SOCS7: variants seen among roughly 807,000 people sequenced by gnomAD.
The protein encoded by SOCS7 is suppressor of cytokine signaling 7.
A neutral mutation model predicts 58.9 loss-of-function variants in SOCS7; 18 were observed. The observed-to-expected ratio is 0.31, with a 90% CI of 0.21 to 0.45. The LOEUF is 0.45. SOCS7 is among the 20% of genes least tolerant of loss of function. The pLI, the probability that SOCS7 is intolerant of heterozygous loss-of-function variation, is 1.00. For missense variants in SOCS7, 667 were observed against 837.3 expected, an observed-to-expected ratio of 0.80 and a Z score of 2.51; for synonymous variants, 388 against 364.3, an observed-to-expected ratio of 1.06 and a Z score of -0.74.
chr17:38,396,078 C>A, intron 9 of SOCS7, 80 bp downstream of exon 9: 1 of 1,172,844 alleles, frequency 8.5e-7, no homozygotes, highest in Non-Finnish European at 1.2e-6. Flanking sequence ...GGGCCCCCTC[C>A]CCACAACTCC....
chr17:38,369,229 A>G (rs1380774782), intron 6 of SOCS7, among the ~76,000 whole-genome samples: 2 of 152,182 alleles, frequency 1.3e-5, no homozygotes, highest in Non-Finnish European at 2.9e-5. Context: ...ATGCTCTGAG[A>G]CATTGCATCT....
chr17:38,387,010 G>A (rs1348331453), intron 7 of SOCS7, among the ~76,000 whole-genome samples: 2 of 140,598 alleles, frequency 1.4e-5, no homozygotes, highest in Admixed American at 7.3e-5. Flanking sequence ...GGTGTGAATC[G>A]GGAGGCAGAG....
intron 9 of SOCS7, among the ~76,000 whole-genome samples, chr17:38,398,928 TA>T (rs1567755129): frequency 6.6e-6 from 1 of 151,796 alleles, no homozygotes; most frequent in African/African-American, 2.4e-5. Context: ...CTGTCTCTAC[TA>T]AAAATACAAA....
At position 38,352,130 on chromosome 17, in the gene SOCS7, C is replaced by A; in HGVS notation, c.78C>A (p.Gly26=). ...ACCGCGTCCTGAGCCGCCTCCTTGG[C>A]TATGGAGAGGCGGCCCCCGAGCCAG... ...ASYRVLSRLL[G]YGEAAPEPGP... is the part of the protein sequence containing the mutation. The change falls in exon 1 of 10, where the codon GGC becomes GGA. Residue 26 remains glycine, a synonymous_variant. Transcript: ENST00000612932. This position sits in a 1 kb window ranked among gnomAD's most constrained non-coding sequence, Gnocchi z 5.5. 2 of 970,664 alleles carry A rather than the reference C, an allele frequency of 2.1e-6. No homozygotes were observed. The highest frequency in any genetic ancestry group is 4.3e-5 in the South Asian group (1 of 23,252). The allele number at this position is 970,664 out of a possible 1,614,324, so 60.1% of individuals were successfully genotyped here.
chr17:38,367,094 C>T (rs980719201), intron 5 of SOCS7, among the ~76,000 whole-genome samples: 64 of 152,108 alleles, frequency 4.2e-4, no homozygotes, highest in African/African-American at 1.4e-3. Context: ...GACTGAGTTT[C>T]GCTCTTGTTG....
Position 38,361,538 on chromosome 17 carries a change from C to A in SOCS7, c.981-173C>A, listed in dbSNP as rs1248184575. 2.6e-5 allele frequency among the ~76,000 whole-genome samples: 4 copies of A among 152,298 alleles called. No individual in the cohort carries two copies. The East Asian group carries it at 7.7e-4, about 29-fold the overall frequency. On this transcript the variant is annotated intron_variant, in intron 1 of 9. Coordinates refer to ENST00000612932, the MANE Select transcript of SOCS7 (RefSeq NM_014598.4). ...GTAGCCAAATCTATTTAAGGAATTG[C>A]CTTAATTATTTCATTCTCCCCCTTT...
Position 38,401,277 on chromosome 17 carries a change from T to C in SOCS7, c.*1795T>C, listed in dbSNP as rs1597718646. On this transcript the variant is annotated 3_prime_UTR_variant, in exon 10 of 10. Transcript: ENST00000612932. ...CCTCTTCTTTCCTTGGCTTCCATGG[T>C]AGTATTATCAACTAAGCAAGATTGT... 1 of 152,172 alleles carries C rather than the reference T, an allele frequency of 6.6e-6. No homozygotes were observed. The highest frequency in any genetic ancestry group is 1.9e-4 in the East Asian group (1 of 5,172). 9.4% of individuals were successfully genotyped at this position (152,172 alleles called of 1,614,324 possible). A position where few individuals can be genotyped will look rare whatever the true frequency, so the allele number is the denominator to read the frequency against.
chr17:38,392,385 A>C (rs763759642), intron 7 of SOCS7, among the ~76,000 whole-genome samples: 1 of 152,236 alleles, frequency 6.6e-6, no homozygotes, highest in African/African-American at 2.4e-5. Flanking sequence ...TATTAGATGT[A>C]TAAATTACTT....
chr17:38,391,639 A>G (rs994695928), intron 7 of SOCS7, among the ~76,000 whole-genome samples: 4 of 152,106 alleles, frequency 2.6e-5, no homozygotes, highest in African/African-American at 9.7e-5. Flanking sequence ...GGGCTCAAGC[A>G]GTCCTCCCAC....
chr17:38,395,273 T>A, intron 7 of SOCS7, 36 bp from the exon 8 acceptor site: 1 of 1,608,080 alleles, frequency 6.2e-7, no homozygotes, highest in South Asian at 1.1e-5. Flanking sequence ...CTCCATTGTT[T>A]CCTCTGAATA....
chr17:38,385,350 A>G (rs938303509), intron 7 of SOCS7, among the ~76,000 whole-genome samples: 2 of 151,866 alleles, frequency 1.3e-5, no homozygotes, highest in African/African-American at 2.4e-5. Context: ...AATTTCCTGT[A>G]AAATGGTAAT....
chr17:38,389,690 CTTT>C (rs58329812), intron 7 of SOCS7, among the ~76,000 whole-genome samples: 5 of 124,860 alleles, frequency 4.0e-5, no homozygotes, highest in Admixed American at 8.4e-5. Context: ...CCTATTCCAA[CTTT>C]TTTTTTTTTT....
At chr17:38,396,141 C>A in intron 9 of SOCS7, 143 bp downstream of exon 9, 1 of 645,038 alleles carries the variant, frequency 1.6e-6, no homozygotes, top group Non-Finnish European at 2.5e-6. Context: ...CAAGATCTGA[C>A]CGTGGAGTCC....
intron 9 of SOCS7, among the ~76,000 whole-genome samples, chr17:38,396,800 A>G (rs1456639199): frequency 1.3e-5 from 2 of 152,220 alleles, no homozygotes; most frequent in Non-Finnish European, 2.9e-5. Flanking sequence ...ATTGACTGCC[A>G]GTGTGCAGTG....
rs748339292 is a variant in SOCS7 at position 38,395,325 on chromosome 17, T to G, written c.1698T>G (p.Pro566=). ...TTCTTGAAGGACTGCCACCAACTCCTGTCCAGCTGCTCTATCCAGTGTCCC... is the reference window on the plus strand; with the variant it reads ...TTCTTGAAGGACTGCCACCAACTCCGGTCCAGCTGCTCTATCCAGTGTCCC... The part of the protein sequence containing the change: ...RSRVPGLPPT[P]VQLLYPVSRF... The change falls in exon 8 of 10, where the codon CCT becomes CCG. Residue 566 remains proline, a synonymous_variant. Coordinates refer to ENST00000612932, the MANE Select transcript of SOCS7 (RefSeq NM_014598.4). 1.4e-5 allele frequency: 22 copies of G among 1,614,046 alleles called. No homozygotes were observed. Among genetic ancestry groups the G allele is most frequent in the Non-Finnish European group, 1.9e-5 (22 of 1,180,008 alleles).
intron 6 of SOCS7, 39 bp downstream of exon 6, chr17:38,368,089 A>G: frequency 6.5e-7 from 1 of 1,544,864 alleles, no homozygotes; most frequent in Non-Finnish European, 8.8e-7. Flanking sequence ...TCCCCCCTTG[A>G]TTTGCTCTAC....
At chr17:38,368,081 C>T (rs1443663571) in intron 6 of SOCS7, 31 bp downstream of exon 6, 1 of 1,552,488 alleles carries the variant, frequency 6.4e-7, no homozygotes, top group Non-Finnish European at 8.8e-7. Flanking sequence ...AGGCTTCTTC[C>T]CCCCTTGATT....
rs547826545 is a variant in SOCS7, at chr17:38,404,943, G to A, written c.*5461G>A. 1 of 152,232 alleles carries A rather than the reference G, an allele frequency of 6.6e-6. No homozygotes were observed. Among genetic ancestry groups the A allele is most frequent in the South Asian group, 2.1e-4 (1 of 4,822 alleles). The allele number at this position is 152,232 out of a possible 1,614,324, so 9.4% of individuals were successfully genotyped here. On this transcript the variant is annotated 3_prime_UTR_variant, in exon 10 of 10. Coordinates refer to ENST00000612932, the MANE Select transcript of SOCS7 (RefSeq NM_014598.4). Reference sequence around the variant, plus strand: ...GTTTTTGGTTGTTTTTAAGAAACTCGATGAAGAGGGGTGTCATTCTGGGCT... The same window carrying A: ...GTTTTTGGTTGTTTTTAAGAAACTCAATGAAGAGGGGTGTCATTCTGGGCT...
rs541182842 is a variant in SOCS7 at position 38,352,277 on chromosome 17, G to A, written c.225G>A (p.Glu75=). 25 of 1,484,132 alleles carry A rather than the reference G, an allele frequency of 1.7e-5. No homozygotes were observed. The South Asian group carries it at 3.2e-4, about 19-fold the overall frequency. 91.9% of individuals were successfully genotyped at this position (1,484,132 alleles called of 1,614,324 possible). ...MVFRNVGRPP[E]EEDVEAAPEP... ...TCCGCAACGTGGGTCGGCCGCCGGAGGAGGAGGACGTGGAGGCGGCCCCGG... is the reference window on the plus strand; with the variant it reads ...TCCGCAACGTGGGTCGGCCGCCGGAAGAGGAGGACGTGGAGGCGGCCCCGG... Residue 75 remains glutamate, a synonymous_variant, in exon 1 of 10, where the codon GAG becomes GAA. Coordinates refer to ENST00000612932, the MANE Select transcript of SOCS7 (RefSeq NM_014598.4). This position sits in a 1 kb window ranked among gnomAD's most constrained non-coding sequence, Gnocchi z 5.5.
Sources: allele counts gnomAD v4.1 joint callset (sites outside exome capture counted in the v4.1 genomes callset), GRCh38; gene constraint gnomAD v4.1.1; non-coding constraint Gnocchi (gnomAD v3.1); transcripts MANE v1.5; gene names NCBI Gene and HGNC (gene_info 2026-07-23, HGNC 2026-07-21).